The following F2R variants were observed in gnomAD, a reference collection of about 807,000 sequenced individuals.
The protein encoded by F2R is coagulation factor II thrombin receptor.
In F2R, 12 loss-of-function variants were observed where a neutral mutation model predicts 18.3. The observed-to-expected ratio is 0.66, with a 90% confidence interval of 0.42 to 1.06. The LOEUF is 1.06. Among genes scored for constraint, F2R ranks in the 50% least tolerant of loss-of-function variants. The pLI is 0.00. For synonymous variants in F2R, 210 were observed against 219.9 expected, an observed-to-expected ratio of 0.95 and a Z score of 0.40; for missense variants, 438 against 530.8, an observed-to-expected ratio of 0.83 and a Z score of 1.72.
At position 76,733,125 on chromosome 5, in the gene F2R, C is replaced by T; in HGVS notation, c.900C>T (p.Ser300=). Residue 300 remains serine, a synonymous_variant, in exon 2 of 2, where the codon TCC becomes TCT. Transcript: ENST00000319211. The part of the protein sequence containing the change: ...YVSIIRCLSS[S]AVANRSKKSR... Reference sequence around the variant, plus strand: ...CTATCATTCGATGTCTTAGCTCTTCCGCAGTTGCCAACCGCAGCAAGAAGT... The same window carrying T: ...CTATCATTCGATGTCTTAGCTCTTCTGCAGTTGCCAACCGCAGCAAGAAGT... The T allele has an allele frequency of 6.2e-7, 1 of 1,614,172 alleles. No homozygotes were observed. Among genetic ancestry groups the T allele is most frequent in the East Asian group, 2.2e-5 (1 of 44,878 alleles).
At position 76,732,585 on chromosome 5, in the gene F2R, C is replaced by T. The variant is rs577411040; in HGVS notation, c.360C>T (p.Asn120=). The T allele has an allele frequency of 1.2e-6, 2 of 1,614,230 alleles. No homozygotes were observed. The highest frequency in any genetic ancestry group is 1.7e-5 in the Admixed American group (1 of 60,026). ...TGVFVVSLPL[N]IMAIVVFILK... is the part of the protein sequence containing the mutation. ...TGTTTGTAGTCAGCCTCCCACTAAA[C>T]ATCATGGCCATCGTTGTGTTCATCC... is the stretch of plus-strand genomic sequence containing the variant. The change falls in exon 2 of 2, where the codon AAC becomes AAT. Residue 120 remains asparagine (N), a synonymous_variant. Coordinates refer to ENST00000319211, the MANE Select transcript of F2R (RefSeq NM_001992.5).
At chr5:76,716,922 G>GC (rs1162760505) in intron 1 of F2R, 7 of 471,576 alleles carry the variant, frequency 1.5e-5, no homozygotes, top group Admixed American at 4.2e-5. Context: ...AGTACCAGCA[G>GC]CCCCCGGCCC....
rs139787379 is a variant in F2R, at chr5:76,733,066, G to T, written c.841G>T (p.Val281Leu). The change falls in exon 2 of 2, where the codon GTG becomes TTG. Residue 281 changes from valine to leucine, a missense_variant. Val to Leu is a conservative substitution (Grantham distance 32). Transcript: ENST00000319211. ...FSAFSAVFFF[V>L]PLIISTVCYV... ...AGCCTTCTCTGCTGTCTTCTTTTTT[G>T]TGCCGCTGATCATTTCCACGGTCTG... The T allele has an allele frequency of 8.0e-5, 129 of 1,614,008 alleles. No individual in the cohort carries two copies. The African/African-American group carries it at 1.6e-3, about 20-fold the overall frequency.
chr5:76,733,377 T>A lies in F2R; in HGVS notation c.1152T>A (p.Ser384Arg). 1 of 1,614,180 alleles carries A rather than the reference T, an allele frequency of 6.2e-7. No individual in the cohort carries two copies. Among genetic ancestry groups the A allele is most frequent in the Non-Finnish European group, 8.5e-7 (1 of 1,180,040 alleles). ...ASSECQRYVY[S>R]ILCCKESSDP... Reference sequence around the variant, plus strand: ...CTGAGTGCCAGAGGTACGTCTACAGTATCTTATGCTGCAAAGAAAGTTCCG... The same window carrying A: ...CTGAGTGCCAGAGGTACGTCTACAGAATCTTATGCTGCAAAGAAAGTTCCG... The change falls in exon 2 of 2, where the codon AGT becomes AGA. Residue 384 changes from serine (S) to arginine (R), a missense_variant. Coordinates refer to ENST00000319211, the MANE Select transcript of F2R (RefSeq NM_001992.5).
intron 1 of F2R, chr5:76,716,686 G>A: frequency 1.4e-6 from 1 of 740,614 alleles, no homozygotes; most frequent in East Asian, 2.6e-5. Flanking sequence ...GGAGCCTGCA[G>A]TCCTGCGTTG....
intron 1 of F2R, among the ~76,000 whole-genome samples, chr5:76,731,541 AT>A (rs1056494853): frequency 2.1e-5 from 3 of 141,614 alleles, no homozygotes; most frequent in African/African-American, 7.8e-5. Context: ...ATTTATTTTT[AT>A]TTTTTGAGAC....
At position 76,733,680 on chromosome 5, in the gene F2R, A is replaced by G; in HGVS notation, c.*177A>G. 1 of 590,980 alleles carries G rather than the reference A, an allele frequency of 1.7e-6. No homozygotes were observed. Among genetic ancestry groups the G allele is most frequent in the South Asian group, 2.1e-5 (1 of 46,812 alleles). The allele number at this position is 590,980 out of a possible 1,614,324, so 36.6% of individuals were successfully genotyped here. On this transcript the variant is annotated 3_prime_UTR_variant, in exon 2 of 2. Coordinates refer to ENST00000319211, the MANE Select transcript of F2R (RefSeq NM_001992.5). ...TGTATTTTTGTCAATTACCAGAAAG[A>G]TAACAGGACGAGATGACGGTGTTAT...
chr5:76,723,047 T>G (rs915696945), intron 1 of F2R, among the ~76,000 whole-genome samples: 1 of 152,154 alleles, frequency 6.6e-6, no homozygotes, highest in African/African-American at 2.4e-5. Context: ...TCTAGAACAG[T>G]GTTTTAAAGA....
At chr5:76,731,554 G>C (rs1301411626) in intron 1 of F2R, among the ~76,000 whole-genome samples, 1 of 151,026 alleles carries the variant, frequency 6.6e-6, no homozygotes, top group Non-Finnish European at 1.5e-5. Context: ...TTTTGAGACG[G>C]AGTCTCACTC....
chr5:76,731,010 A>G (rs1022729965), intron 1 of F2R, among the ~76,000 whole-genome samples: 5 of 152,230 alleles, frequency 3.3e-5, no homozygotes, highest in Admixed American at 6.5e-5. Flanking sequence ...AGGAACCTCC[A>G]TGTGTTCACC....
chr5:76,729,940 T>C (rs1232825851), intron 1 of F2R, among the ~76,000 whole-genome samples: 2 of 152,108 alleles, frequency 1.3e-5, no homozygotes, highest in Non-Finnish European at 2.9e-5. Context: ...CTGCACAAGC[T>C]CTCTCTTTGC....
In F2R at chr5:76,732,633, G is replaced by A. The variant is rs181326734; in HGVS notation, c.408G>A (p.Pro136=). 1 of 1,614,162 alleles carries A rather than the reference G, an allele frequency of 6.2e-7. No individual in the cohort carries two copies. Among genetic ancestry groups the A allele is most frequent in the African/African-American group, 1.3e-5 (1 of 75,030 alleles). The change falls in exon 2 of 2, where the codon CCG becomes CCA. Residue 136 remains proline (P), a synonymous_variant. Transcript: ENST00000319211. ...VFILKMKVKK[P]AVVYMLHLAT... ...TCCTGAAAATGAAGGTCAAGAAGCC[G>A]GCGGTGGTGTACATGCTGCACCTGG...
chr5:76,716,161 T>A lies in F2R; in HGVS notation c.-147T>A, dbSNP rs1051063431. ...GACACAGCGCTCGCCGAGGGTCGCT[T>A]GGACCCTGATCTTACCCGTGGGCAC... On this transcript the variant is annotated 5_prime_UTR_variant, in exon 1 of 2. Transcript: ENST00000319211. 2.2e-5 allele frequency: 12 copies of A among 533,420 alleles called. No homozygotes were observed. Among genetic ancestry groups the A allele is most frequent in the Admixed American group, 4.4e-5 (1 of 22,824 alleles). 33.0% of individuals were successfully genotyped at this position (533,420 alleles called of 1,614,324 possible).
At chr5:76,723,921 T>G (rs532661515) in intron 1 of F2R, among the ~76,000 whole-genome samples, 3 of 152,322 alleles carry the variant, frequency 2.0e-5, no homozygotes, top group African/African-American at 7.2e-5. Context: ...CTCTCCCAAC[T>G]GTATAATTTT....
intron 1 of F2R, among the ~76,000 whole-genome samples, chr5:76,729,983 C>T (rs1748640076): frequency 6.6e-6 from 1 of 152,148 alleles, no homozygotes; most frequent in Non-Finnish European, 1.5e-5. Flanking sequence ...TGACTTGCTC[C>T]TCCTTACCTT....
intron 1 of F2R, among the ~76,000 whole-genome samples, chr5:76,725,263 G>A (rs1748534512): frequency 6.6e-6 from 1 of 152,142 alleles, no homozygotes; most frequent in South Asian, 2.1e-4. Flanking sequence ...AATCGCCACA[G>A]TTAAAGAGTC....
intron 1 of F2R, among the ~76,000 whole-genome samples, chr5:76,731,149 G>A (rs1748660683): frequency 6.6e-6 from 1 of 152,212 alleles, no homozygotes; most frequent in Non-Finnish European, 1.5e-5. Context: ...TTGTGACTAT[G>A]TTAGGAGATA....
At position 76,732,774 on chromosome 5, in the gene F2R, C is replaced by T. The variant is rs1748693813; in HGVS notation, c.549C>T (p.Tyr183=). The T allele has an allele frequency of 1.9e-6, 3 of 1,614,080 alleles. No individual in the cohort carries two copies. The highest frequency in any genetic ancestry group is 2.5e-6 in the Non-Finnish European group (3 of 1,180,054). ...GTCGCTTCGTCACTGCAGCATTTTA[C>T]TGTAACATGTACGCCTCTATCTTGC... ...ELCRFVTAAF[Y]CNMYASILLM... The change falls in exon 2 of 2, where the codon TAC becomes TAT. Residue 183 remains tyrosine, a synonymous_variant. Coordinates refer to ENST00000319211, the MANE Select transcript of F2R (RefSeq NM_001992.5).
chr5:76,716,395 G>A lies in F2R; in HGVS notation c.88G>A (p.Glu30Lys). Residue 30 changes from glutamate (E) to lysine (K), a missense_variant and splice_region_variant, in exon 1 of 2, where the codon GAA (glutamate) becomes AAA (lysine). Glu to Lys is a moderately conservative substitution (Grantham distance 56, BLOSUM62 1). Transcript: ENST00000319211. ...LSARTRARRP[E>K]SKATNATLDP... ...TGCCCGCACCCGGGCCCGCAGGCCA[G>A]GTGAGAGATGCACGGGAATGGGGTG... is the stretch of plus-strand genomic sequence containing the variant. The A allele has an allele frequency of 6.9e-7, 1 of 1,445,934 alleles. No individual in the cohort carries two copies. The highest frequency in any genetic ancestry group is 9.1e-7 in the Non-Finnish European group (1 of 1,102,490). 89.6% of individuals were successfully genotyped at this position (1,445,934 alleles called of 1,614,324 possible).
Sources: allele counts gnomAD v4.1 joint callset (sites outside exome capture counted in the v4.1 genomes callset), GRCh38; gene constraint gnomAD v4.1.1; transcripts MANE v1.5; gene names NCBI Gene and HGNC (gene_info 2026-07-23, HGNC 2026-07-21).